CTNNA3: variants seen among roughly 807,000 people sequenced by gnomAD.
CTNNA3 encodes the protein catenin alpha 3, also known as catenin alpha-3.
Under a neutral mutation model 95.7 loss-of-function variants are expected in CTNNA3, and 76 were observed. The ratio of observed to expected loss-of-function variants is 0.79; its 90% CI spans 0.66 to 0.96. The LOEUF is 0.96. Ranked by LOEUF, CTNNA3 falls within the 40% of genes least tolerant of loss-of-function variation. The pLI, the probability that CTNNA3 is intolerant of heterozygous loss-of-function variation, is 0.00. For missense variants in CTNNA3, 1,191 were observed against 1,089.8 expected (o/e 1.09, Z -1.31); for synonymous variants, 431 against 374.4 (o/e 1.15, Z -1.74).
chr10:67,548,579 T>C (rs1423155068), intron 3 of CTNNA3, among the ~76,000 whole-genome samples: 1 of 152,126 alleles, frequency 6.6e-6, no homozygotes, highest in Non-Finnish European at 1.5e-5. Flanking sequence ...ACCAATAGAA[T>C]TGCTATCTCA....
rs181671231 is a variant in CTNNA3 at position 66,290,698 on chromosome 10, T to C, written c.1733-10077A>G. Among the ~76,000 whole-genome samples, 151 of 152,202 alleles carry C rather than the reference T, an allele frequency of 9.9e-4. 1 individual carries two copies. Among genetic ancestry groups the C allele is most frequent in the African/African-American group, 3.5e-3 (147 of 41,566 alleles). ...AGAGTTTTGATTTGCACCTACCTGATATGACATACAGAAATAGGTCTTGAT... is the reference window on the plus strand; with the variant it reads ...AGAGTTTTGATTTGCACCTACCTGACATGACATACAGAAATAGGTCTTGAT... On this transcript the variant is annotated intron_variant, in intron 12 of 17. Transcript: ENST00000433211.
At chr10:67,045,496 C>A (rs936407318) in intron 7 of CTNNA3, among the ~76,000 whole-genome samples, 1 of 152,050 alleles carries the variant, frequency 6.6e-6, no homozygotes, top group Non-Finnish European at 1.5e-5. Flanking sequence ...TAGATCGCGG[C>A]GAGGGAACTG....
chr10:66,047,808 C>T (rs776274648), intron 15 of CTNNA3, among the ~76,000 whole-genome samples: 37 of 152,114 alleles, frequency 2.4e-4, no homozygotes, highest in Non-Finnish European at 4.4e-4. Flanking sequence ...GTACAAAAAT[C>T]GCTAGCATTC....
At chr10:67,462,218 G>C (rs1316233845) in intron 5 of CTNNA3, among the ~76,000 whole-genome samples, 2 of 152,112 alleles carry the variant, frequency 1.3e-5, no homozygotes, top group African/African-American at 2.4e-5. Flanking sequence ...GTCTAGAGTG[G>C]TTGCTATTTC....
chr10:67,018,651 C>T (rs1852805476), intron 7 of CTNNA3, among the ~76,000 whole-genome samples: 1 of 152,212 alleles, frequency 6.6e-6, no homozygotes, highest in South Asian at 2.1e-4. Context: ...GATCCATTAC[C>T]TACTAGCCTT....
intron 5 of CTNNA3, among the ~76,000 whole-genome samples, chr10:67,234,721 T>C (rs1009654305): frequency 3.3e-5 from 5 of 152,100 alleles, no homozygotes; most frequent in African/African-American, 1.2e-4. Context: ...GGAAGTCAAA[T>C]TGTCCCTGTT....
At chr10:67,402,074 A>G (rs187872942) in intron 5 of CTNNA3, among the ~76,000 whole-genome samples, 195 of 152,296 alleles carry the variant, frequency 1.3e-3, no homozygotes, top group Middle Eastern at 3.4e-3. Context: ...CTCCCCAGAA[A>G]TGTTTCCTAA....
intron 5 of CTNNA3, among the ~76,000 whole-genome samples, chr10:67,473,605 C>T (rs1847906744): frequency 6.6e-6 from 1 of 152,128 alleles, no homozygotes; most frequent in Admixed American, 6.6e-5. Flanking sequence ...CATTAAATTA[C>T]ACTGTAAATA....
intron 7 of CTNNA3, among the ~76,000 whole-genome samples, chr10:66,858,243 G>C (rs1235694776): frequency 6.6e-6 from 1 of 151,980 alleles, no homozygotes; most frequent in Non-Finnish European, 1.5e-5. Flanking sequence ...TGCATCCCAG[G>C]GATAATGCCT....
chr10:66,615,928 T>G (rs906896040), intron 10 of CTNNA3, among the ~76,000 whole-genome samples: 1 of 152,050 alleles, frequency 6.6e-6, no homozygotes, highest in Non-Finnish European at 1.5e-5. Flanking sequence ...TTTTCAAACA[T>G]TAGACCATTC....
intron 16 of CTNNA3, among the ~76,000 whole-genome samples, chr10:65,971,221 C>T (rs1207258355): frequency 6.6e-6 from 1 of 151,610 alleles, no homozygotes; most frequent in Admixed American, 6.6e-5. Flanking sequence ...AGAAAGATCT[C>T]AAATTAATGA....
intron 13 of CTNNA3, among the ~76,000 whole-genome samples, chr10:66,185,019 G>A (rs568859638): frequency 6.6e-6 from 1 of 152,254 alleles, no homozygotes; most frequent in South Asian, 2.1e-4. Flanking sequence ...CTTTCTAAAT[G>A]AAGTAATTAT....
At chr10:67,567,371 T>C (rs1191875687) in intron 3 of CTNNA3, among the ~76,000 whole-genome samples, 2 of 151,694 alleles carry the variant, frequency 1.3e-5, no homozygotes, top group African/African-American at 2.4e-5. Context: ...CTTTCATAAG[T>C]GGATGCTAAA....
intron 6 of CTNNA3, among the ~76,000 whole-genome samples, chr10:67,207,142 A>G (rs1489726694): frequency 6.6e-6 from 1 of 152,186 alleles, no homozygotes; most frequent in Non-Finnish European, 1.5e-5. Context: ...ATAACAAAAC[A>G]AAACAAAAAT....
chr10:66,965,490 G>A (rs1304121418), intron 7 of CTNNA3, among the ~76,000 whole-genome samples: 3 of 148,908 alleles, frequency 2.0e-5, no homozygotes, highest in African/African-American at 5.0e-5. Context: ...AGCCGAGATC[G>A]CACCACTGCA....
chr10:67,608,820 G>T (rs1404296407), intron 2 of CTNNA3, among the ~76,000 whole-genome samples: 1 of 152,168 alleles, frequency 6.6e-6, no homozygotes, highest in Non-Finnish European at 1.5e-5. Flanking sequence ...GCCAGGGGCA[G>T]TGGCTCATAC....
Position 67,126,602 on chromosome 10 carries a change from T to C in CTNNA3, c.1047+53715A>G, listed in dbSNP as rs150244085. 3.4e-3 allele frequency among the ~76,000 whole-genome samples: 518 copies of C among 152,262 alleles called. 2 individuals carry two copies. The highest frequency in any genetic ancestry group is 4.6e-3 in the Non-Finnish European group (312 of 68,024). ...ACAAAATTATAATTGTTACTCAGAT[T>C]CCATCTCAAAGAAAATCTTCATGCC... On this transcript the variant is annotated intron_variant, in intron 7 of 17. Coordinates refer to ENST00000433211, the MANE Select transcript of CTNNA3 (RefSeq NM_013266.4).
At chr10:67,741,845 G>T (rs1841341539) in intron 1 of CTNNA3, among the ~76,000 whole-genome samples, 1 of 151,076 alleles carries the variant, frequency 6.6e-6, no homozygotes, top group Admixed American at 6.6e-5. Flanking sequence ...AAAAAGGCAG[G>T]TGTTGCAATC....
intron 5 of CTNNA3, among the ~76,000 whole-genome samples, chr10:67,471,712 T>C (rs888391182): frequency 6.6e-6 from 1 of 152,306 alleles, no homozygotes; most frequent in African/African-American, 2.4e-5. Flanking sequence ...TTTTTAGACA[T>C]GCCTGCATCT....
Sources: gnomAD v4.1 joint callset for allele counts (sites outside exome capture counted in the v4.1 genomes callset) on GRCh38, gnomAD v4.1.1 for gene constraint, MANE v1.5 for transcripts, NCBI Gene and HGNC (gene_info 2026-07-23, HGNC 2026-07-21) for gene names.